LSAMP: variants seen among roughly 807,000 people sequenced by gnomAD.
The protein encoded by LSAMP is limbic system associated membrane protein, also known as limbic system-associated membrane protein.
A neutral mutation model predicts 38.6 loss-of-function variants in LSAMP; 7 were observed. The observed-to-expected ratio is 0.18, with a 90% confidence interval of 0.10 to 0.34. The LOEUF is 0.34. LSAMP is among the 10% of genes least tolerant of loss of function. The probability of loss-of-function intolerance (pLI) is 1.00; values close to 1 mark genes in which losing one functional copy is unlikely to be tolerated. For synonymous variants in LSAMP, 154 were observed against 166.8 expected, an observed-to-expected ratio of 0.92 and a Z score of 0.59; for missense variants, 313 against 420.0, an observed-to-expected ratio of 0.75 and a Z score of 2.23.
intron 1 of LSAMP, among the ~76,000 whole-genome samples, chr3:116,375,268 C>T (rs2048480476): frequency 1.3e-5 from 2 of 151,858 alleles, no homozygotes; most frequent in Non-Finnish European, 2.9e-5. Context: ...TTTTTGGCTG[C>T]TGTTTGTTGC....
Position 116,352,535 on chromosome 3 carries a change from G to A in LSAMP, c.155+92342C>T, listed in dbSNP as rs573449203. ...AGAAAACTGAGTCTAATGATGGGTC[G>A]TTAAATAAATCTCCTTTGAAGTTTT... On this transcript the variant is annotated intron_variant, in intron 1 of 6. Coordinates refer to ENST00000490035, the MANE Select transcript of LSAMP (RefSeq NM_002338.5). Among the ~76,000 whole-genome samples the A allele has an allele frequency of 2.6e-5, 4 of 152,122 alleles. No homozygotes were observed. In the East Asian group the frequency reaches 5.8e-4, roughly 22 times the overall value.
At chr3:115,864,264 C>T (rs181462934) in intron 3 of LSAMP, among the ~76,000 whole-genome samples, 1 of 152,268 alleles carries the variant, frequency 6.6e-6, no homozygotes, top group South Asian at 2.1e-4. Context: ...GGCACGTTGC[C>T]TGATTGCTCT....
chr3:116,435,806 C>T (rs2049342387), intron 1 of LSAMP, among the ~76,000 whole-genome samples: 1 of 152,160 alleles, frequency 6.6e-6, no homozygotes, highest in African/African-American at 2.4e-5. Flanking sequence ...AGAATATCTA[C>T]ATCCATCCTA....
At chr3:116,405,716 C>T (rs768764402) in intron 1 of LSAMP, among the ~76,000 whole-genome samples, 23 of 152,052 alleles carry the variant, frequency 1.5e-4, no homozygotes, top group Non-Finnish European at 3.2e-4. Flanking sequence ...CTATAAGGCT[C>T]ATTAGAGGTG....
chr3:115,898,167 G>A (rs1936776100), intron 3 of LSAMP, among the ~76,000 whole-genome samples: 1 of 151,976 alleles, frequency 6.6e-6, no homozygotes, highest in South Asian at 2.1e-4. Context: ...CCCAAATTTT[G>A]GATGATGATA....
At chr3:116,398,501 T>C (rs1576192632) in intron 1 of LSAMP, among the ~76,000 whole-genome samples, 1 of 152,138 alleles carries the variant, frequency 6.6e-6, no homozygotes, top group East Asian at 1.9e-4. Flanking sequence ...CTATGAAGGA[T>C]AGAGGTATTT....
At chr3:116,444,348 A>ATGTGTGTG (rs143050946) in intron 1 of LSAMP, among the ~76,000 whole-genome samples, 13 of 144,650 alleles carry the variant, frequency 9.0e-5, no homozygotes, top group African/African-American at 2.6e-4. Flanking sequence ...CAACCTTGAT[A>ATGTGTGTG]TGTGTGTGTG....
intron 1 of LSAMP, among the ~76,000 whole-genome samples, chr3:116,398,813 C>T (rs777891118): frequency 1.3e-5 from 2 of 152,140 alleles, no homozygotes; most frequent in East Asian, 1.9e-4. Flanking sequence ...CTGTTCTCAA[C>T]GAGTTGGCAG....
chr3:115,823,652 C>T (rs1183843468), intron 6 of LSAMP, among the ~76,000 whole-genome samples: 2 of 151,668 alleles, frequency 1.3e-5, no homozygotes, highest in African/African-American at 2.4e-5. Context: ...TAAAAAAAAC[C>T]TTTAAATGTG....
intron 1 of LSAMP, among the ~76,000 whole-genome samples, chr3:116,126,593 G>A (rs934143774): frequency 2.0e-5 from 3 of 152,102 alleles, no homozygotes; most frequent in Non-Finnish European, 4.4e-5. Context: ...CAGGGGCAGT[G>A]GCTCATGCAT....
At chr3:116,317,851 T>C (rs2047653450) in intron 1 of LSAMP, among the ~76,000 whole-genome samples, 1 of 151,196 alleles carries the variant, frequency 6.6e-6, no homozygotes, top group Non-Finnish European at 1.5e-5. Context: ...AAATCAGTAA[T>C]AAGGCCGGGC....
intron 1 of LSAMP, among the ~76,000 whole-genome samples, chr3:116,313,014 C>T (rs1215586003): frequency 1.3e-5 from 2 of 152,140 alleles, no homozygotes; most frequent in East Asian, 3.9e-4. Context: ...CGCAGTTGCA[C>T]AAATATAGAT....
rs1292483223 is a variant in LSAMP at position 115,909,950 on chromosome 3, G to T, written c.515-57333C>A. Among the ~76,000 whole-genome samples the T allele has an allele frequency of 3.3e-5, 5 of 152,134 alleles. No individual in the cohort carries two copies. The East Asian group carries it at 5.8e-4, about 18-fold the overall frequency. ...ATCCTGTTTCTGCAAATATGTTTAT[G>T]GTAGTTATTTTGGGCTTGCAAATTC... On this transcript the variant is annotated intron_variant, in intron 3 of 6. Transcript: ENST00000490035.
intron 1 of LSAMP, among the ~76,000 whole-genome samples, chr3:116,377,351 T>TA: frequency 6.6e-6 from 1 of 152,232 alleles, no homozygotes; most frequent in Admixed American, 6.5e-5. Flanking sequence ...GTTCTTGCGT[T>TA]AGTTTGCTGA....
chr3:116,099,061 G>C (rs1423222095), intron 1 of LSAMP, among the ~76,000 whole-genome samples: 1 of 152,222 alleles, frequency 6.6e-6, no homozygotes, highest in Non-Finnish European at 1.5e-5. Context: ...ATTTGGAAGA[G>C]AGAAGTCAAA....
intron 3 of LSAMP, among the ~76,000 whole-genome samples, chr3:115,978,988 G>A (rs1343584965): frequency 8.5e-5 from 13 of 152,072 alleles, no homozygotes; most frequent in Non-Finnish European, 1.6e-4. Context: ...TATTGGTAGA[G>A]TGGGAAACAT....
chr3:116,322,802 T>C (rs1278385044), intron 1 of LSAMP, among the ~76,000 whole-genome samples: 1 of 152,126 alleles, frequency 6.6e-6, no homozygotes, highest in Non-Finnish European at 1.5e-5. Context: ...CTCCTTTTCT[T>C]CCGCCATCTT....
chr3:116,221,674 A>G (rs1488301819), intron 1 of LSAMP, among the ~76,000 whole-genome samples: 1 of 152,174 alleles, frequency 6.6e-6, no homozygotes, highest in African/African-American at 2.4e-5. Context: ...GATATATGCA[A>G]TATATTCTGG....
chr3:115,994,950 G>T (rs1939773952), intron 3 of LSAMP, among the ~76,000 whole-genome samples: 1 of 152,006 alleles, frequency 6.6e-6, no homozygotes, highest in South Asian at 2.1e-4. Flanking sequence ...TCTGATACAG[G>T]TATACGTGAG....
Sources: allele counts gnomAD v4.1 joint callset (sites outside exome capture counted in the v4.1 genomes callset), GRCh38; gene constraint gnomAD v4.1.1; transcripts MANE v1.5; gene names NCBI Gene and HGNC (gene_info 2026-07-23, HGNC 2026-07-21).